ARB2A: variants seen among roughly 807,000 people sequenced by gnomAD.
The protein encoded by ARB2A is ARB2 cotranscriptional regulator A, also known as cotranscriptional regulator ARB2A.
the ARB2A span, among the ~76,000 whole-genome samples, chr5:93,773,952 T>C: frequency 6.6e-6 from 1 of 152,170 alleles, no homozygotes. Flanking sequence ...AAATTTTTTT[T>C]GGAGAGACAG....
the ARB2A span, among the ~76,000 whole-genome samples, chr5:93,866,606 G>A: frequency 6.6e-6 from 1 of 152,160 alleles, no homozygotes; most frequent in African/African-American, 2.4e-5. Flanking sequence ...TAGGCCATCT[G>A]TATATGCCGG....
chr5:93,770,369 T>TA, the ARB2A span, among the ~76,000 whole-genome samples: 1 of 152,154 alleles, frequency 6.6e-6, no homozygotes, highest in Non-Finnish European at 1.5e-5. Flanking sequence ...GGGAAAAAAC[T>TA]GGAAGCATTC....
chr5:93,828,148 TG>T, the ARB2A span, among the ~76,000 whole-genome samples: 10 of 152,166 alleles, frequency 6.6e-5, no homozygotes, highest in Non-Finnish European at 1.3e-4. Flanking sequence ...GGTAGCTTGA[TG>T]GGGATGGCAT....
At chr5:93,622,063 C>T in the ARB2A span, among the ~76,000 whole-genome samples, 6 of 152,058 alleles carry the variant, frequency 3.9e-5, no homozygotes, top group Non-Finnish European at 8.8e-5. Flanking sequence ...ACACAGGCAG[C>T]GGATAACACG....
At chr5:93,743,279 C>A in the ARB2A span, 1 of 152,358 alleles carries the variant, frequency 6.6e-6, no homozygotes, top group East Asian at 1.9e-4. Flanking sequence ...TGTGTGCCGG[C>A]TATGAGCAGG....
At chr5:93,617,764 G>A in the ARB2A span, among the ~76,000 whole-genome samples, 1 of 152,234 alleles carries the variant, frequency 6.6e-6, no homozygotes, top group South Asian at 2.1e-4. Context: ...ATATTCAAGT[G>A]TATTTTATAA....
the ARB2A span, among the ~76,000 whole-genome samples, chr5:93,928,876 TA>T: frequency 6.6e-6 from 1 of 152,104 alleles, no homozygotes; most frequent in Admixed American, 6.6e-5. Context: ...CGTGCACATA[TA>T]TTAGAGAAGA....
the ARB2A span, among the ~76,000 whole-genome samples, chr5:94,005,846 T>C: frequency 6.6e-6 from 1 of 152,094 alleles, no homozygotes; most frequent in African/African-American, 2.4e-5. Context: ...CACTACACAT[T>C]CGTCAAAATG....
the ARB2A span, among the ~76,000 whole-genome samples, chr5:94,093,045 A>G: frequency 6.6e-6 from 1 of 152,178 alleles, no homozygotes; most frequent in African/African-American, 2.4e-5. Flanking sequence ...TTATTTTTCT[A>G]TAACCTTTCA....
the ARB2A span, among the ~76,000 whole-genome samples, chr5:93,852,305 GT>G: frequency 6.6e-6 from 1 of 152,048 alleles, no homozygotes; most frequent in African/African-American, 2.4e-5. Context: ...GGGGTTGTTT[GT>G]TTTTTTCTTG....
the ARB2A span, among the ~76,000 whole-genome samples, chr5:94,045,530 A>C: frequency 1.3e-5 from 2 of 152,226 alleles, no homozygotes; most frequent in Non-Finnish European, 2.9e-5. Flanking sequence ...TGGAAGTTGA[A>C]ATAATTAAAA....
the ARB2A span, among the ~76,000 whole-genome samples, chr5:93,785,211 A>G: frequency 2.0e-5 from 3 of 152,208 alleles, no homozygotes; most frequent in African/African-American, 7.2e-5. Flanking sequence ...AAAGAAATTA[A>G]AAGCTAAAAT....
chr5:93,993,390 G>A, the ARB2A span, among the ~76,000 whole-genome samples: 1 of 151,980 alleles, frequency 6.6e-6, no homozygotes, highest in Non-Finnish European at 1.5e-5. Flanking sequence ...TCATTAACTT[G>A]AATCTACGAA....
chr5:93,941,088 T>A, the ARB2A span, among the ~76,000 whole-genome samples: 1 of 152,180 alleles, frequency 6.6e-6, no homozygotes, highest in Non-Finnish European at 1.5e-5. Flanking sequence ...TTCCAGTTAT[T>A]GATGACACTT....
the ARB2A span, among the ~76,000 whole-genome samples, chr5:93,626,846 A>G: frequency 6.6e-6 from 1 of 152,198 alleles, no homozygotes; most frequent in Admixed American, 6.5e-5. Flanking sequence ...ACAATGATGT[A>G]GTTTGCTGCA....
At chr5:94,111,691 G>C in the ARB2A span, 1 of 152,392 alleles carries the variant, frequency 6.6e-6, no homozygotes, top group Non-Finnish European at 1.5e-5. Flanking sequence ...TTACGCACTT[G>C]ACGGCAGCGG....
At chr5:94,022,571 C>G in the ARB2A span, among the ~76,000 whole-genome samples, 168 of 152,272 alleles carry the variant, frequency 1.1e-3, no homozygotes, top group African/African-American at 3.9e-3. Flanking sequence ...CACCAATACT[C>G]AAAACACAAT....
At chr5:93,787,722 T>C in the ARB2A span, among the ~76,000 whole-genome samples, 1 of 152,214 alleles carries the variant, frequency 6.6e-6, no homozygotes, top group Non-Finnish European at 1.5e-5. Flanking sequence ...ATTTGATTAA[T>C]TCCCTTTTCA....
chr5:93,919,119 C>T, the ARB2A span, among the ~76,000 whole-genome samples: 1 of 152,070 alleles, frequency 6.6e-6, no homozygotes, highest in South Asian at 2.1e-4. Context: ...AGGGAGAAAA[C>T]AAAGTCTGGG....
Sources: gnomAD v4.1 joint callset for allele counts (sites outside exome capture counted in the v4.1 genomes callset) on GRCh38, gnomAD v4.1.1 for gene constraint, MANE v1.5 for transcripts, NCBI Gene and HGNC (gene_info 2026-07-23, HGNC 2026-07-21) for gene names.